HRH1: variants seen among roughly 807,000 people sequenced by gnomAD.
HRH1 encodes histamine H1 receptor.
HRH1 carries 6 observed loss-of-function variants against 10.3 expected under a neutral mutation model. The ratio of observed to expected loss-of-function variants is 0.58; its 90% CI spans 0.32 to 1.15. The LOEUF is 1.15. HRH1 is among the 50% of genes most tolerant of loss of function. The probability of loss-of-function intolerance (pLI) is 0.05; values close to 1 mark genes in which losing one functional copy is unlikely to be tolerated. For synonymous variants in HRH1, 242 were observed against 236.7 expected (o/e 1.02, Z -0.21); for missense variants, 514 against 615.3 (o/e 0.84, Z 1.74).
intron 1 of HRH1, among the ~76,000 whole-genome samples, chr3:11,168,876 C>T (rs370370363): frequency 1.3e-5 from 2 of 152,228 alleles, no homozygotes; most frequent in South Asian, 2.1e-4. Context: ...GGAAAGACCC[C>T]TTTGCTGAGC....
intron 1 of HRH1, among the ~76,000 whole-genome samples, chr3:11,235,768 G>C (rs1339396096): frequency 1.3e-5 from 2 of 152,258 alleles, no homozygotes; most frequent in Non-Finnish European, 2.9e-5. Context: ...GCTAGGACAG[G>C]AGCGGGGCAC....
chr3:11,232,844 C>A (rs921680214), intron 1 of HRH1, among the ~76,000 whole-genome samples: 2 of 152,236 alleles, frequency 1.3e-5, no homozygotes, highest in African/African-American at 4.8e-5. Context: ...ACAAGTTCGT[C>A]TGAGAATGTG....
At chr3:11,231,724 A>G (rs1248747647) in intron 1 of HRH1, among the ~76,000 whole-genome samples, 1 of 152,132 alleles carries the variant, frequency 6.6e-6, no homozygotes, top group Non-Finnish European at 1.5e-5. Context: ...TTCTTTATAT[A>G]TTCTGAATAG....
chr3:11,258,242 C>CAAAAAAAAAAAAAAAA (rs33992856), intron 1 of HRH1, among the ~76,000 whole-genome samples: 2 of 76,404 alleles, frequency 2.6e-5, no homozygotes, highest in Non-Finnish European at 4.7e-5. Flanking sequence ...TGATGTAAGC[C>CAAAAAAAAAAAAAAAA]AAAAAAAAAA....
At chr3:11,229,652 C>T (rs1021977527) in intron 1 of HRH1, among the ~76,000 whole-genome samples, 3 of 152,098 alleles carry the variant, frequency 2.0e-5, no homozygotes, top group Non-Finnish European at 4.4e-5. Flanking sequence ...GTTTTTAACC[C>T]ATCTTACTCT....
chr3:11,162,836 G>T (rs1282016881), intron 1 of HRH1, among the ~76,000 whole-genome samples: 1 of 152,178 alleles, frequency 6.6e-6, no homozygotes, highest in Non-Finnish European at 1.5e-5. Flanking sequence ...TGGGTAATTT[G>T]TGGTTATTCT....
intron 1 of HRH1, among the ~76,000 whole-genome samples, chr3:11,197,287 G>A (rs551306415): frequency 5.3e-5 from 8 of 152,076 alleles, no homozygotes; most frequent in East Asian, 1.9e-4. Flanking sequence ...GATTTCTTTC[G>A]ATTTATAATT....
chr3:11,236,335 A>G (rs1939180241), intron 1 of HRH1, among the ~76,000 whole-genome samples: 1 of 152,252 alleles, frequency 6.6e-6, no homozygotes, highest in South Asian at 2.1e-4. Context: ...AGGCTGAGGC[A>G]GGAGAATCAC....
chr3:11,149,215 G>T (rs748998), intron 1 of HRH1, among the ~76,000 whole-genome samples: 34,924 of 151,956 alleles, frequency 0.23, 5,034 homozygotes, highest in African/African-American at 0.4. Context: ...TTATATAAAA[G>T]GTGCAATCTA....
intron 1 of HRH1, among the ~76,000 whole-genome samples, chr3:11,181,793 A>G (rs1937359572): frequency 6.6e-6 from 1 of 151,790 alleles, no homozygotes; most frequent in African/African-American, 2.4e-5. Context: ...CACTGCGCCC[A>G]GCTAATTTTT....
chr3:11,243,661 C>T (rs1939406496), intron 1 of HRH1, among the ~76,000 whole-genome samples: 1 of 152,238 alleles, frequency 6.6e-6, no homozygotes, highest in Non-Finnish European at 1.5e-5. Context: ...ATTCCTCAAA[C>T]TCAGCTGTGT....
chr3:11,246,102 A>G (rs944517693), intron 1 of HRH1, among the ~76,000 whole-genome samples: 3 of 152,046 alleles, frequency 2.0e-5, no homozygotes, highest in Non-Finnish European at 4.4e-5. Context: ...ACTCACACAC[A>G]CAAACACACA....
chr3:11,224,524 G>C lies in HRH1; in HGVS notation c.-35-34479G>C, dbSNP rs556642804. On this transcript the variant is annotated intron_variant, in intron 1 of 1. Transcript: ENST00000431010. The stretch of plus-strand genomic sequence containing the variant: ...CATCCTGGCTAACACGGTGAAACCC[G>C]GTCTCTACTAAAAAATACAAAAAAA... Among the ~76,000 whole-genome samples, 46 of 152,064 alleles carry C rather than the reference G, an allele frequency of 3.0e-4. 2 individuals are homozygous for C. The Middle Eastern group carries it at 0.02, about 67-fold the overall frequency.
At chr3:11,233,898 A>G (rs1299474403) in intron 1 of HRH1, among the ~76,000 whole-genome samples, 6 of 152,240 alleles carry the variant, frequency 3.9e-5, no homozygotes, top group Non-Finnish European at 7.3e-5. Flanking sequence ...ACTAAAAGGA[A>G]TATAATGAAT....
chr3:11,185,267 T>A (rs927319866), intron 1 of HRH1, among the ~76,000 whole-genome samples: 1 of 152,176 alleles, frequency 6.6e-6, no homozygotes, highest in African/African-American at 2.4e-5. Flanking sequence ...ACCTGCACTT[T>A]CACTCATTGA....
At chr3:11,155,500 CA>C (rs1936767462) in intron 1 of HRH1, among the ~76,000 whole-genome samples, 1 of 152,168 alleles carries the variant, frequency 6.6e-6, no homozygotes, top group Admixed American at 6.5e-5. Flanking sequence ...ATGAAGATCC[CA>C]CCTCTTCCCT....
chr3:11,150,252 A>G (rs1936573396), upstream of HRH1, among the ~76,000 whole-genome samples: 1 of 152,276 alleles, frequency 6.6e-6, no homozygotes, highest in Non-Finnish European at 1.5e-5. Context: ...CAAGTTGAAA[A>G]TGGTCCATTT....
intron 1 of HRH1, among the ~76,000 whole-genome samples, chr3:11,258,309 A>G (rs1301400573): frequency 6.6e-6 from 1 of 152,028 alleles, no homozygotes; most frequent in Non-Finnish European, 1.5e-5. Context: ...TTCCCATAAT[A>G]ATAAGTCTGG....
intron 1 of HRH1, among the ~76,000 whole-genome samples, chr3:11,144,492 C>A (rs571268329): frequency 0.036 from 112 of 3,094 alleles, no homozygotes; most frequent in Admixed American, 0.051. Flanking sequence ...TACACACACA[C>A]ACACGCCACA....
Sources: gnomAD v4.1 joint callset for allele counts (sites outside exome capture counted in the v4.1 genomes callset) on GRCh38, gnomAD v4.1.1 for gene constraint, MANE v1.5 for transcripts, NCBI Gene and HGNC (gene_info 2026-07-23, HGNC 2026-07-21) for gene names.